OR51B5: variants seen among roughly 807,000 people sequenced by gnomAD.
OR51B5 encodes olfactory receptor 51B5.
For missense variants in OR51B5, 456 were observed against 374.6 expected, an observed-to-expected ratio of 1.22 and a Z score of -1.79; for synonymous variants, 186 against 144.8, an observed-to-expected ratio of 1.28 and a Z score of -2.04.
chr11:5,365,554 C>T (rs1849351276), intron 1 of OR51B5, among the ~76,000 whole-genome samples: 1 of 152,120 alleles, frequency 6.6e-6, no homozygotes, highest in Non-Finnish European at 1.5e-5. Context: ...TTTCACAAAG[C>T]ATATTGATAC....
chr11:5,477,152 G>C (rs960882227), intron 1 of OR51B5, among the ~76,000 whole-genome samples: 2 of 152,180 alleles, frequency 1.3e-5, no homozygotes, highest in African/African-American at 4.8e-5. Context: ...TTTCATGGCT[G>C]TATACTTATA....
chr11:5,402,930 C>T (rs1198338973), intron 1 of OR51B5: 3 of 471,218 alleles, frequency 6.4e-6, no homozygotes, highest in Non-Finnish European at 1.3e-5. Flanking sequence ...ATTCTTTATC[C>T]ATGATGGAGC....
chr11:5,428,784 A>G (rs575469345), intron 1 of OR51B5, among the ~76,000 whole-genome samples: 1 of 152,360 alleles, frequency 6.6e-6, no homozygotes, highest in Admixed American at 6.5e-5. Context: ...AACAAGGACC[A>G]TCATAGTCCC....
chr11:5,402,895 G>A (rs1909261), intron 1 of OR51B5: 61,495 of 471,162 alleles, frequency 0.13, 4,934 homozygotes, highest in African/African-American at 0.29. Flanking sequence ...CTTGAAGCTT[G>A]TCTTTTTCCA....
At chr11:5,468,824 A>G (rs1196366685) in intron 1 of OR51B5, 3 of 448,838 alleles carry the variant, frequency 6.7e-6, no homozygotes, top group Non-Finnish European at 1.3e-5. Flanking sequence ...CAGGCCATAC[A>G]TGCTGTTGAT....
rs577439324 is a variant in OR51B5, at chr11:5,374,013, G to A, written n.85-27103C>T. ...AGCACACAGCTGGAGATCTGAGAACGGGCAGACTGCCTCCTCAAGTGGGTC... is the reference window on the plus strand; with the variant it reads ...AGCACACAGCTGGAGATCTGAGAACAGGCAGACTGCCTCCTCAAGTGGGTC... On this transcript the variant is annotated intron_variant and non_coding_transcript_variant, in intron 1 of 4. Coordinates refer to the OR51B5 transcript ENST00000415970. Among the ~76,000 whole-genome samples, 706 of 152,298 alleles carry A rather than the reference G, an allele frequency of 4.6e-3. 4 individuals are homozygous for A. The highest frequency in any genetic ancestry group is 8.6e-3 in the Admixed American group (132 of 15,304).
intron 1 of OR51B5, chr11:5,441,075 C>T (rs1231117825): frequency 1.9e-6 from 3 of 1,613,856 alleles, no homozygotes; most frequent in African/African-American, 2.7e-5. Context: ...GATGCCCAGA[C>T]CCATAGCCAA....
intron 1 of OR51B5, among the ~76,000 whole-genome samples, chr11:5,413,929 A>G (rs1850191601): frequency 1.4e-5 from 2 of 148,088 alleles, no homozygotes; most frequent in Admixed American, 6.8e-5. Context: ...GGAAATACAG[A>G]GAACGCCACA....
intron 1 of OR51B5, among the ~76,000 whole-genome samples, chr11:5,427,316 G>A (rs1320329094): frequency 3.3e-5 from 5 of 152,184 alleles, no homozygotes; most frequent in Non-Finnish European, 7.3e-5. Flanking sequence ...AAAGTGAGGC[G>A]TTCTCCCTGC....
chr11:5,486,742 C>T (rs1293446954), intron 1 of OR51B5, among the ~76,000 whole-genome samples: 6 of 152,186 alleles, frequency 3.9e-5, no homozygotes, highest in Non-Finnish European at 8.8e-5. Context: ...CAGCCCTGCA[C>T]TGGCTGATGC....
At chr11:5,403,785 A>G (rs1850012695) in intron 1 of OR51B5, among the ~76,000 whole-genome samples, 1 of 152,096 alleles carries the variant, frequency 6.6e-6, no homozygotes, top group South Asian at 2.1e-4. Flanking sequence ...GGTTTTCTTC[A>G]TTACCTTGCA....
intron 1 of OR51B5, chr11:5,431,135 G>A (rs769697040): frequency 1.2e-5 from 5 of 405,140 alleles, no homozygotes; most frequent in Admixed American, 5.3e-5. Context: ...GGGGCCATGA[G>A]TGCCACACTC....
At chr11:5,482,026 A>G (rs1851430490) in intron 1 of OR51B5, among the ~76,000 whole-genome samples, 1 of 119,968 alleles carries the variant, frequency 8.3e-6, no homozygotes, top group Non-Finnish European at 1.7e-5. Context: ...ATATGGAACC[A>G]AAAAAGAGCC....
intron 1 of OR51B5, among the ~76,000 whole-genome samples, chr11:5,501,821 G>T (rs1298124128): frequency 1.4e-5 from 2 of 147,820 alleles, no homozygotes; most frequent in Admixed American, 7.0e-5. Flanking sequence ...CAACGTGCAG[G>T]TTTGTTACAT....
At chr11:5,395,542 T>C (rs1431145329) in intron 1 of OR51B5, among the ~76,000 whole-genome samples, 1 of 152,196 alleles carries the variant, frequency 6.6e-6, no homozygotes, top group African/African-American at 2.4e-5. Context: ...GACTTGTTAC[T>C]GGGCTATGCC....
chr11:5,442,141 C>T (rs1850698284), intron 1 of OR51B5, among the ~76,000 whole-genome samples: 1 of 152,136 alleles, frequency 6.6e-6, no homozygotes, highest in Admixed American at 6.6e-5. Flanking sequence ...CTGAACTACT[C>T]ACCCACACTA....
intron 1 of OR51B5, chr11:5,440,491 T>A (rs1462672414): frequency 2.1e-6 from 2 of 950,524 alleles, no homozygotes; most frequent in African/African-American, 1.6e-5. Flanking sequence ...GTCCTCTTCA[T>A]CCTTACTTTA....
chr11:5,503,164 A>C (rs981244720), intron 1 of OR51B5, among the ~76,000 whole-genome samples: 1 of 152,208 alleles, frequency 6.6e-6, no homozygotes, highest in African/African-American at 2.4e-5. Context: ...CTTATGTACA[A>C]CTTACATACA....
chr11:5,379,764 T>C (rs1041095410), intron 1 of OR51B5, among the ~76,000 whole-genome samples: 4 of 152,294 alleles, frequency 2.6e-5, no homozygotes, highest in East Asian at 3.9e-4. Context: ...TTTGTTTCCT[T>C]TTAGAATTCT....
Sources: gnomAD v4.1 joint callset for allele counts (sites outside exome capture counted in the v4.1 genomes callset) on GRCh38, gnomAD v4.1.1 for gene constraint, MANE v1.5 for transcripts, NCBI Gene and HGNC (gene_info 2026-07-23, HGNC 2026-07-21) for gene names.